The following WDR7 variants were observed in gnomAD, a reference collection of about 807,000 sequenced individuals.
The protein encoded by WDR7 is WD repeat-containing protein 7.
A neutral mutation model predicts 169.4 loss-of-function variants in WDR7; 46 were observed. The ratio of observed to expected loss-of-function variants is 0.27; its 90% confidence interval spans 0.21 to 0.35. The LOEUF is 0.35. Ranked by LOEUF, WDR7 falls within the 10% of genes least tolerant of loss-of-function variation. The pLI, the probability that WDR7 is intolerant of heterozygous loss-of-function variation, is 1.00. For synonymous variants in WDR7, 612 were observed against 666.8 expected, an observed-to-expected ratio of 0.92 and a Z score of 1.27; for missense variants, 1,534 against 1,859.3, an observed-to-expected ratio of 0.83 and a Z score of 3.22.
chr18:56,687,736 C>T (rs759264461), intron 7 of WDR7, among the ~76,000 whole-genome samples: 2 of 152,180 alleles, frequency 1.3e-5, no homozygotes, highest in African/African-American at 4.8e-5. Flanking sequence ...AAAGGATCCT[C>T]CCACCTCAGC....
intron 26 of WDR7, among the ~76,000 whole-genome samples, chr18:57,014,591 A>C (rs898943374): frequency 1.3e-5 from 2 of 152,022 alleles, no homozygotes; most frequent in African/African-American, 4.8e-5. Flanking sequence ...TGAGATGCGG[A>C]GGTTGCAGTG....
chr18:56,930,216 C>T (rs1034785654), intron 22 of WDR7, among the ~76,000 whole-genome samples: 1 of 152,218 alleles, frequency 6.6e-6, no homozygotes, highest in Admixed American at 6.5e-5. Context: ...TGATGACACA[C>T]AGATAAGCAC....
chr18:56,915,477 G>A (rs2046611950), intron 21 of WDR7, among the ~76,000 whole-genome samples: 1 of 152,158 alleles, frequency 6.6e-6, no homozygotes, highest in African/African-American at 2.4e-5. Flanking sequence ...TTGTAATTGA[G>A]CTACTAATTA....
chr18:56,755,261 TTCTCA>T (rs2043866935), intron 14 of WDR7, among the ~76,000 whole-genome samples: 1 of 152,222 alleles, frequency 6.6e-6, no homozygotes, highest in African/African-American at 2.4e-5. Context: ...AGAAAGTCCA[TTCTCA>T]TCTCAAGATC....
At chr18:56,984,427 C>T (rs1190665672) in intron 26 of WDR7, among the ~76,000 whole-genome samples, 1 of 152,112 alleles carries the variant, frequency 6.6e-6, no homozygotes. Context: ...ATATAATTCA[C>T]ACTTTCTAAA....
chr18:56,778,309 T>C (rs1334049819), intron 17 of WDR7, among the ~76,000 whole-genome samples: 1 of 152,148 alleles, frequency 6.6e-6, no homozygotes, highest in Admixed American at 6.6e-5. Context: ...TTTAAGAAGA[T>C]TACAGTTTAG....
At chr18:56,769,720 G>A (rs1201951175) in intron 16 of WDR7, among the ~76,000 whole-genome samples, 1 of 152,122 alleles carries the variant, frequency 6.6e-6, no homozygotes, top group East Asian at 1.9e-4. Flanking sequence ...GTTCAATTTA[G>A]GTTGTCTAAA....
At chr18:56,852,505 G>A (rs550254469) in intron 20 of WDR7, among the ~76,000 whole-genome samples, 99 of 152,276 alleles carry the variant, frequency 6.5e-4, no homozygotes, top group African/African-American at 2.3e-3. Flanking sequence ...AGCATCCAGA[G>A]TACATCCTTT....
intron 18 of WDR7, among the ~76,000 whole-genome samples, chr18:56,780,632 C>CT (rs2044304606): frequency 2.0e-5 from 3 of 151,006 alleles, no homozygotes; most frequent in Admixed American, 2.0e-4. Flanking sequence ...CCTGTCTCTA[C>CT]TAAAAATACA....
chr18:56,736,366 A>G (rs1399887899), intron 14 of WDR7, among the ~76,000 whole-genome samples: 1 of 152,160 alleles, frequency 6.6e-6, no homozygotes, highest in Non-Finnish European at 1.5e-5. Context: ...ATCTTGGTAT[A>G]GAATTACAAG....
chr18:56,778,777 T>G (rs763500404), intron 17 of WDR7, among the ~76,000 whole-genome samples: 1 of 152,222 alleles, frequency 6.6e-6, no homozygotes, highest in Non-Finnish European at 1.5e-5. Flanking sequence ...TTTAACAATG[T>G]TTAAGATTTT....
intron 21 of WDR7, among the ~76,000 whole-genome samples, chr18:56,883,966 A>G (rs1599128065): frequency 6.6e-6 from 1 of 152,166 alleles, no homozygotes; most frequent in African/African-American, 2.4e-5. Flanking sequence ...TTGTGCTGCT[A>G]TAAATATGGG....
intron 14 of WDR7, among the ~76,000 whole-genome samples, chr18:56,752,243 G>T (rs1378612977): frequency 1.3e-5 from 2 of 152,266 alleles, no homozygotes; most frequent in Non-Finnish European, 1.5e-5. Flanking sequence ...ATAAAGCCAT[G>T]CCTTGCATTC....
At position 56,756,874 on chromosome 18, in the gene WDR7, G is replaced by T; in HGVS notation, c.2281G>T (p.Asp761Tyr). ...KENIKEHLLD[D>Y]EEEDEEIMRQ... ...GAACATCAAGGAACACCTCCTTGATGATGAAGAGGAGGATGAGGAGATAAT... is the reference window on the plus strand; with the variant it reads ...GAACATCAAGGAACACCTCCTTGATTATGAAGAGGAGGATGAGGAGATAAT... The change falls in exon 15 of 28, where the codon GAT (aspartate) becomes TAT (tyrosine). Residue 761 changes from aspartate to tyrosine, a missense_variant. Physicochemically the swap from Asp to Tyr is radical, Grantham distance 160. Transcript: ENST00000254442. 6.2e-7 allele frequency: 1 copy of T among 1,614,062 alleles called. No homozygotes were observed. Among genetic ancestry groups the T allele is most frequent in the Middle Eastern group, 1.6e-4 (1 of 6,062 alleles).
intron 26 of WDR7, among the ~76,000 whole-genome samples, chr18:56,981,790 G>A: frequency 6.6e-6 from 1 of 152,176 alleles, no homozygotes; most frequent in East Asian, 1.9e-4. Flanking sequence ...AGTGGACTAA[G>A]TAGGAAGGCA....
intron 25 of WDR7, among the ~76,000 whole-genome samples, chr18:56,951,273 A>G (rs145986074): frequency 2.0e-5 from 3 of 152,296 alleles, no homozygotes; most frequent in East Asian, 1.9e-4. Context: ...ATTTCCTATT[A>G]TAGTCCCAGC....
chr18:56,838,350 G>T (rs565950243), intron 20 of WDR7, among the ~76,000 whole-genome samples: 62 of 152,270 alleles, frequency 4.1e-4, no homozygotes, highest in African/African-American at 1.4e-3. Flanking sequence ...TTATTGAACT[G>T]TTGACTGATT....
chr18:56,666,982 G>A (rs551981445), intron 1 of WDR7, among the ~76,000 whole-genome samples: 111 of 151,844 alleles, frequency 7.3e-4, no homozygotes, highest in African/African-American at 2.6e-3. Context: ...GAGACAGAGC[G>A]TTATTTCATA....
At chr18:57,004,282 A>T (rs573379317) in intron 26 of WDR7, among the ~76,000 whole-genome samples, 8 of 152,180 alleles carry the variant, frequency 5.3e-5, no homozygotes, top group African/African-American at 1.7e-4. Flanking sequence ...AGTACCACAC[A>T]TATATTCCTC....
Sources: allele counts gnomAD v4.1 joint callset (sites outside exome capture counted in the v4.1 genomes callset), GRCh38; gene constraint gnomAD v4.1.1; transcripts MANE v1.5; gene names NCBI Gene and HGNC (gene_info 2026-07-23, HGNC 2026-07-21).